Variants in WDFY4 observed in about 807,000 individuals in gnomAD.
WDFY4 encodes WDFY family member 4.
WDFY4 carries 169 observed loss-of-function variants against 351.9 expected under a neutral mutation model. The observed-to-expected ratio is 0.48, with a 90% CI of 0.42 to 0.55. The LOEUF (loss-of-function observed/expected upper bound fraction) is 0.55, where lower values mean the gene tolerates loss of function less well. Among genes scored for constraint, WDFY4 ranks in the 20% least tolerant of loss-of-function variants. The probability of loss-of-function intolerance (pLI) is 0.00; values close to 1 mark genes in which losing one functional copy is unlikely to be tolerated. For missense variants in WDFY4, 3,803 were observed against 3,935.6 expected (o/e 0.97, Z 0.90); for synonymous variants, 1,622 against 1,574.6 (o/e 1.03, Z -0.71).
intron 39 of WDFY4, among the ~76,000 whole-genome samples, chr10:48,859,748 A>G (rs1310165704): frequency 1.3e-5 from 2 of 152,034 alleles, no homozygotes; most frequent in Non-Finnish European, 2.9e-5. Context: ...CTCCTACTCT[A>G]TTTTCTAGAT....
At chr10:48,818,688 A>G (rs1462169281) in intron 32 of WDFY4, among the ~76,000 whole-genome samples, 1 of 152,288 alleles carries the variant, frequency 6.6e-6, no homozygotes, top group Non-Finnish European at 1.5e-5. Context: ...ATGGCCAAAT[A>G]AACTTTAAAA....
intron 47 of WDFY4, among the ~76,000 whole-genome samples, chr10:48,933,170 T>G (rs1840133674): frequency 6.6e-6 from 1 of 152,110 alleles, no homozygotes; most frequent in African/African-American, 2.4e-5. Context: ...GGAACATTCT[T>G]CTAGATTGTA....
intron 18 of WDFY4, among the ~76,000 whole-genome samples, chr10:48,779,289 T>C (rs1306885937): frequency 6.6e-6 from 1 of 152,232 alleles, no homozygotes; most frequent in African/African-American, 2.4e-5. Flanking sequence ...GGCCCATGCT[T>C]GGCATGGCGC....
At position 48,820,415 on chromosome 10, in the gene WDFY4, T is replaced by A. The variant is rs1341218256; in HGVS notation, c.5687T>A (p.Leu1896Gln). The A allele has an allele frequency of 2.8e-5, 43 of 1,551,342 alleles. No individual in the cohort carries two copies. Among genetic ancestry groups the A allele is most frequent in the Non-Finnish European group, 3.7e-5 (43 of 1,146,952 alleles). ...LLGASSPKQWLPLEVLLEASP... is the reference protein window; with the variant it reads ...LLGASSPKQWQPLEVLLEASP... ...GGAGCCTCCAGCCCCAAGCAGTGGCTGCCCCTGGAGGTGCTCCTGGAGGTG... is the reference window on the plus strand; with the variant it reads ...GGAGCCTCCAGCCCCAAGCAGTGGCAGCCCCTGGAGGTGCTCCTGGAGGTG... The change falls in exon 33 of 62, where the codon CTG (leucine) becomes CAG (glutamine). Residue 1896 changes from leucine (L) to glutamine (Q), a missense_variant. Physicochemically the swap from Leu to Gln is moderately radical, Grantham distance 113. This residue lies in a region of WDFY4 where 3,054 missense variants were observed against 3,148.6 expected (regional missense o/e 0.97). Coordinates refer to ENST00000325239, the MANE Select transcript of WDFY4 (RefSeq NM_001394531.1).
At chr10:48,908,946 G>C (rs1837772957) in intron 47 of WDFY4, among the ~76,000 whole-genome samples, 1 of 152,108 alleles carries the variant, frequency 6.6e-6, no homozygotes, top group Non-Finnish European at 1.5e-5. Context: ...TAAATCCTGG[G>C]AATCATGAAT....
At chr10:48,701,514 G>A (rs1235154135) in intron 1 of WDFY4, among the ~76,000 whole-genome samples, 2 of 152,212 alleles carry the variant, frequency 1.3e-5, no homozygotes, top group Non-Finnish European at 2.9e-5. Flanking sequence ...TTAATTGGAT[G>A]CAAAAGTGGA....
intron 52 of WDFY4, among the ~76,000 whole-genome samples, chr10:48,958,405 G>A (rs983605621): frequency 2.0e-5 from 3 of 152,154 alleles, no homozygotes; most frequent in Non-Finnish European, 4.4e-5. Flanking sequence ...AGGAGGAGGC[G>A]GCTGGCCAGC....
chr10:48,705,888 A>G (rs114223462), intron 1 of WDFY4, among the ~76,000 whole-genome samples: 275 of 152,310 alleles, frequency 1.8e-3, no homozygotes, highest in African/African-American at 6.2e-3. Context: ...AAGATGGGGC[A>G]TGTTAGCATG....
intron 40 of WDFY4, among the ~76,000 whole-genome samples, chr10:48,870,765 T>A (rs1714222324): frequency 6.6e-6 from 1 of 152,188 alleles, no homozygotes; most frequent in African/African-American, 2.4e-5. Flanking sequence ...TCTGACTTCC[T>A]CTGCCCTGGG....
rs186838761 is a variant in WDFY4, at chr10:48,830,831, G to A, written c.6472G>A (p.Glu2158Lys). ...TGGAGAGAGGGAAGTGAAGATTGAAGAGGTCACACCGCTCTGGGAGGAGAC... is the reference window on the plus strand; with the variant it reads ...TGGAGAGAGGGAAGTGAAGATTGAAAAGGTCACACCGCTCTGGGAGGAGAC... ...KPGEREVKIE[E>K]VTPLWEETML... is the part of the protein sequence containing the mutation. The change falls in exon 38 of 62, where the codon GAG becomes AAG. Residue 2158 changes from glutamate to lysine, a missense_variant. This residue lies in a region of WDFY4 where 3,054 missense variants were observed against 3,148.6 expected (regional missense o/e 0.97). Coordinates refer to ENST00000325239, the MANE Select transcript of WDFY4 (RefSeq NM_001394531.1). 315 of 1,551,698 alleles carry A rather than the reference G, an allele frequency of 2.0e-4. No individual in the cohort carries two copies. In the East Asian group the frequency reaches 5.5e-3, roughly 27 times the overall value.
chr10:48,777,897 T>G (rs1158133163), intron 17 of WDFY4, among the ~76,000 whole-genome samples: 1 of 152,238 alleles, frequency 6.6e-6, no homozygotes, highest in Admixed American at 6.5e-5. Context: ...TCAATTGACA[T>G]TGAAAAATTG....
intron 35 of WDFY4, among the ~76,000 whole-genome samples, chr10:48,825,202 C>T (rs2067954033): frequency 6.6e-6 from 1 of 152,184 alleles, no homozygotes; most frequent in South Asian, 2.1e-4. Flanking sequence ...TAAGTGAGAA[C>T]ATGTGGTATT....
At chr10:48,842,573 C>A (rs967792573) in intron 39 of WDFY4, among the ~76,000 whole-genome samples, 1 of 152,164 alleles carries the variant, frequency 6.6e-6, no homozygotes, top group East Asian at 1.9e-4. Flanking sequence ...GCAGAGACCC[C>A]GAACTAACAA....
chr10:48,970,106 C>T (rs909054978), intron 56 of WDFY4, 25 bp from the exon 57 acceptor site: 20 of 1,549,510 alleles, frequency 1.3e-5, no homozygotes, highest in East Asian at 7.3e-5. Flanking sequence ...TCCACAGCAG[C>T]GCTCATCCCC....
intron 45 of WDFY4, 48 bp from the exon 46 acceptor site, chr10:48,900,173 T>C (rs776064556): frequency 9.2e-6 from 14 of 1,519,720 alleles, no homozygotes; most frequent in African/African-American, 5.6e-5. Context: ...CTGGGGCGTC[T>C]CTAGTCCACA....
Position 48,810,875 on chromosome 10 carries a change from A to G in WDFY4, c.5044+140A>G, listed in dbSNP as rs951883513. On this transcript the variant is annotated intron_variant, in intron 29 of 61. Transcript: ENST00000325239. ...ACCTCGAGCCCTGACTCCAAGGCCTACATCCAAATGAGCCCAGCCCCCCTG... is the reference window on the plus strand; with the variant it reads ...ACCTCGAGCCCTGACTCCAAGGCCTGCATCCAAATGAGCCCAGCCCCCCTG... 346 of 885,470 alleles carry G rather than the reference A, an allele frequency of 3.9e-4. 2 individuals are homozygous for G. The highest frequency in any genetic ancestry group is 4.9e-4 in the Non-Finnish European group (298 of 613,016). The allele number at this position is 885,470 out of a possible 1,614,324, so 54.9% of individuals were successfully genotyped here.
At chr10:48,884,247 A>G (rs2070368500) in intron 43 of WDFY4, 1 of 152,136 alleles carries the variant, frequency 6.6e-6, no homozygotes, top group Admixed American at 6.5e-5. Context: ...AGCTCCTCCC[A>G]GGTATCTTTA....
At chr10:48,739,226 C>T (rs185368496) in intron 11 of WDFY4, among the ~76,000 whole-genome samples, 4 of 152,268 alleles carry the variant, frequency 2.6e-5, no homozygotes, top group East Asian at 3.9e-4. Context: ...TTAGTCCTAA[C>T]GTAGTTAGCG....
intron 1 of WDFY4, among the ~76,000 whole-genome samples, chr10:48,699,018 C>A (rs1008000935): frequency 6.6e-6 from 1 of 152,140 alleles, no homozygotes; most frequent in Non-Finnish European, 1.5e-5. Flanking sequence ...CTAGCCGGCC[C>A]GTGCAGCCCC....
Sources: gnomAD v4.1 joint callset for allele counts (sites outside exome capture counted in the v4.1 genomes callset) on GRCh38, gnomAD v4.1.1 for gene constraint, gnomAD v4.1.1 regional missense constraint, MANE v1.5 for transcripts, NCBI Gene and HGNC (gene_info 2026-07-23, HGNC 2026-07-21) for gene names.